Variants in UBE2G1 observed in about 807,000 individuals in gnomAD.
The protein encoded by UBE2G1 is ubiquitin-conjugating enzyme E2 G1.
In UBE2G1, 5 loss-of-function variants were observed where a neutral mutation model predicts 22.7. That is an observed-to-expected ratio of 0.22 (90% CI 0.12 to 0.46). UBE2G1 has a LOEUF of 0.46. UBE2G1 is among the 20% of genes least tolerant of loss of function. The probability of loss-of-function intolerance (pLI) is 0.99; values close to 1 mark genes in which losing one functional copy is unlikely to be tolerated. For missense variants in UBE2G1, 88 were observed against 203.9 expected, an observed-to-expected ratio of 0.43 and a Z score of 3.46; for synonymous variants, 74 against 67.5, an observed-to-expected ratio of 1.10 and a Z score of -0.47.
chr17:4,295,256 G>A (rs961580560), intron 3 of UBE2G1, among the ~76,000 whole-genome samples: 3 of 152,184 alleles, frequency 2.0e-5, no homozygotes, highest in African/African-American at 7.2e-5. Context: ...GCATCATGCA[G>A]GAATACGGTT....
intron 1 of UBE2G1, among the ~76,000 whole-genome samples, chr17:4,312,524 G>A (rs968847152): frequency 6.6e-5 from 10 of 151,504 alleles, no homozygotes; most frequent in African/African-American, 1.9e-4. Context: ...GTGAAACCCC[G>A]TCTCTACTAA....
chr17:4,277,606 C>T (rs1598177226), intron 5 of UBE2G1, among the ~76,000 whole-genome samples: 1 of 152,180 alleles, frequency 6.6e-6, no homozygotes, highest in South Asian at 2.1e-4. Flanking sequence ...CCAAGTGGCA[C>T]CCACAGTAAT....
At position 4,285,084 on chromosome 17, in the gene UBE2G1, C is replaced by T. The variant is rs531690310; in HGVS notation, c.427-2163G>A. 3.3e-5 allele frequency among the ~76,000 whole-genome samples: 5 copies of T among 152,134 alleles called. No homozygotes were observed. In the East Asian group the frequency reaches 9.7e-4, roughly 29 times the overall value. ...GTCTCAAACTCCTAGCCTTAAGTAA[C>T]TCACCTGCCTCGGCCTCCCAAAGTG... On this transcript the variant is annotated intron_variant, in intron 4 of 5. Coordinates refer to ENST00000396981, the MANE Select transcript of UBE2G1 (RefSeq NM_003342.5).
intron 5 of UBE2G1, among the ~76,000 whole-genome samples, chr17:4,280,882 C>T (rs1357459693): frequency 6.6e-6 from 1 of 152,132 alleles, no homozygotes; most frequent in Non-Finnish European, 1.5e-5. Context: ...ATCCACCCGC[C>T]TCGGCCTCCC....
intron 5 of UBE2G1, among the ~76,000 whole-genome samples, chr17:4,272,846 C>T (rs1032702666): frequency 2.6e-5 from 4 of 152,100 alleles, no homozygotes; most frequent in Admixed American, 1.3e-4. Flanking sequence ...TACTGGACAG[C>T]GCTAATTTAG....
intron 1 of UBE2G1, among the ~76,000 whole-genome samples, chr17:4,343,343 G>T (rs67639913): frequency 0.36 from 55,270 of 151,764 alleles, 10,516 homozygotes; most frequent in African/African-American, 0.47. Flanking sequence ...TGTAATCCCA[G>T]CACTTTGGGA....
intron 2 of UBE2G1, chr17:4,301,341 GGC>G (rs1969176711): frequency 4.3e-6 from 2 of 468,876 alleles, no homozygotes; most frequent in Non-Finnish European, 8.0e-6. Context: ...GCCTCCCACG[GGC>G]GCAATGGAGG....
chr17:4,316,050 A>AC (rs1049835099), intron 1 of UBE2G1, among the ~76,000 whole-genome samples: 3 of 151,850 alleles, frequency 2.0e-5, no homozygotes, highest in African/African-American at 7.3e-5. Context: ...TGATCCGCCC[A>AC]CCTCGGCCTC....
At chr17:4,284,824 CTTTTCTTTTCTTTCTTT>C (rs1567514891) in intron 4 of UBE2G1, among the ~76,000 whole-genome samples, 27 of 85,612 alleles carry the variant, frequency 3.2e-4, no homozygotes, top group African/African-American at 1.1e-3. Flanking sequence ...TTTTTCTTTT[CTTTTCTTTTCTTTCTTT>C]TTTTTTTTTT....
At chr17:4,282,011 A>G (rs1968898450) in intron 5 of UBE2G1, among the ~76,000 whole-genome samples, 1 of 152,174 alleles carries the variant, frequency 6.6e-6, no homozygotes, top group Non-Finnish European at 1.5e-5. Context: ...GTTATACAAT[A>G]AAAGGGAAGT....
Position 4,307,509 on chromosome 17 carries a change from C to T in UBE2G1, c.47-386G>A, listed in dbSNP as rs1219813534. Among the ~76,000 whole-genome samples the T allele has an allele frequency of 2.6e-5, 4 of 152,214 alleles. No homozygotes were observed. The South Asian group carries it at 8.3e-4, about 32-fold the overall frequency. The stretch of plus-strand genomic sequence containing the variant: ...CTTATGCTGCTGTCTTCAGGGTATA[C>T]TTTCAGAGTGTCTAATCATACCTTT... On this transcript the variant is annotated intron_variant, in intron 1 of 5. Coordinates refer to ENST00000396981, the MANE Select transcript of UBE2G1 (RefSeq NM_003342.5).
At chr17:4,347,469 CTTTT>C (rs34014821) in intron 1 of UBE2G1, among the ~76,000 whole-genome samples, 82 of 89,532 alleles carry the variant, frequency 9.2e-4, no homozygotes, top group African/African-American at 3.3e-3. Flanking sequence ...AGTATTTCTT[CTTTT>C]TTTTTTTTTT....
At chr17:4,296,212 A>G (rs1277387764) in intron 3 of UBE2G1, among the ~76,000 whole-genome samples, 1 of 151,974 alleles carries the variant, frequency 6.6e-6, no homozygotes, top group Non-Finnish European at 1.5e-5. Context: ...CTCAAACCAA[A>G]CTGAAAACTA....
chr17:4,299,185 T>G (rs1259947889), intron 2 of UBE2G1, among the ~76,000 whole-genome samples: 5 of 152,230 alleles, frequency 3.3e-5, no homozygotes, highest in African/African-American at 1.2e-4. Context: ...TATATACATA[T>G]GTATGCACTG....
rs1487957244 is a variant in UBE2G1, at chr17:4,306,958, T to C, written c.149+63A>G. The stretch of plus-strand genomic sequence containing the variant: ...AGCCACCGTGCCCAGCCTGCCAAAA[T>C]AGTTTTTAATTCAGTGTATTAAAAG... On this transcript the variant is annotated intron_variant, in intron 2 of 5. Transcript: ENST00000396981. 6 of 1,499,692 alleles carry C rather than the reference T, an allele frequency of 4.0e-6. No homozygotes were observed. The East Asian group carries it at 6.9e-5, about 17-fold the overall frequency. The allele number at this position is 1,499,692 out of a possible 1,614,324, so 92.9% of individuals were successfully genotyped here.
rs191688776 is a variant in UBE2G1 at position 4,301,781 on chromosome 17, A to G, written c.150-4967T>C. ...CAGGACATATGCTGTCAGCTGGTTT[A>G]AAGACAAAGAATTAAACCTGGTGTC... On this transcript the variant is annotated intron_variant, in intron 2 of 5. Transcript: ENST00000396981. The G allele has an allele frequency of 1.5e-4, 89 of 590,616 alleles. No homozygotes were observed. In the African/African-American group the frequency reaches 1.6e-3, roughly 10 times the overall value. The allele number at this position is 590,616 out of a possible 1,614,324, so 36.6% of individuals were successfully genotyped here. A position where few individuals can be genotyped will look rare whatever the true frequency, so the allele number is the denominator to read the frequency against.
At chr17:4,328,815 G>A (rs994784875) in intron 1 of UBE2G1, among the ~76,000 whole-genome samples, 8 of 152,306 alleles carry the variant, frequency 5.3e-5, no homozygotes, top group Middle Eastern at 3.4e-3. Flanking sequence ...GGCGGGGCGC[G>A]GTGGCTCACG....
intron 2 of UBE2G1, chr17:4,301,727 G>A (rs996113941): frequency 6.2e-5 from 41 of 660,546 alleles, no homozygotes; most frequent in Middle Eastern, 4.1e-4. Flanking sequence ...ACTTGTGTTT[G>A]GATTGGTGGG....
At chr17:4,353,883 T>C (rs1969875697) in intron 1 of UBE2G1, among the ~76,000 whole-genome samples, 1 of 146,354 alleles carries the variant, frequency 6.8e-6, no homozygotes, top group Non-Finnish European at 1.5e-5. Flanking sequence ...AGTGGCGTGA[T>C]CTCAGCTCAC....
Sources: allele counts gnomAD v4.1 joint callset (sites outside exome capture counted in the v4.1 genomes callset), GRCh38; gene constraint gnomAD v4.1.1; transcripts MANE v1.5; gene names NCBI Gene and HGNC (gene_info 2026-07-23, HGNC 2026-07-21).